SUCLG2: variants seen among roughly 807,000 people sequenced by gnomAD.
SUCLG2 encodes succinate-CoA ligase GDP-forming subunit beta, also known as succinate--CoA ligase [GDP-forming] subunit beta, mitochondrial.
Under a neutral mutation model 47.9 loss-of-function variants are expected in SUCLG2, and 42 were observed. The ratio of observed to expected loss-of-function variants is 0.88; its 90% CI spans 0.69 to 1.14. The LOEUF (loss-of-function observed/expected upper bound fraction) is 1.14. Ranked by LOEUF, SUCLG2 falls within the 50% of genes most tolerant of loss-of-function variation. The probability of loss-of-function intolerance (pLI) is 0.00; values close to 1 mark genes in which losing one functional copy is unlikely to be tolerated. For missense variants in SUCLG2, 571 were observed against 525.9 expected (o/e 1.09, Z -0.84); for synonymous variants, 195 against 197.3 (o/e 0.99, Z 0.10).
At chr3:67,504,324 G>C (rs1021900088) in intron 7 of SUCLG2, among the ~76,000 whole-genome samples, 1 of 152,114 alleles carries the variant, frequency 6.6e-6, no homozygotes, top group Admixed American at 6.6e-5. Flanking sequence ...GACAGAAACA[G>C]AGAAACACCC....
intron 9 of SUCLG2, among the ~76,000 whole-genome samples, chr3:67,402,450 G>T (rs1702706344): frequency 6.6e-6 from 1 of 152,234 alleles, no homozygotes; most frequent in African/African-American, 2.4e-5. Flanking sequence ...ACCAATTAGA[G>T]ATTGGGGCTA....
chr3:67,462,503 G>A (rs55734620), intron 9 of SUCLG2, among the ~76,000 whole-genome samples: 4,895 of 152,274 alleles, frequency 0.032, 128 homozygotes, highest in East Asian at 0.12. Flanking sequence ...AGAGGATGGC[G>A]TTCAGGAGCT....
intron 1 of SUCLG2, among the ~76,000 whole-genome samples, chr3:67,619,945 T>A (rs1173715651): frequency 6.6e-6 from 1 of 152,174 alleles, no homozygotes; most frequent in Non-Finnish European, 1.5e-5. Context: ...AGCTCAATCA[T>A]GTTGTAGAAG....
intron 1 of SUCLG2, among the ~76,000 whole-genome samples, chr3:67,616,161 A>G (rs1258033744): frequency 2.0e-5 from 3 of 152,144 alleles, no homozygotes; most frequent in South Asian, 4.1e-4. Context: ...AGGCTGGATT[A>G]TAAGAGTTAC....
At chr3:67,573,647 C>T (rs540655374) in intron 2 of SUCLG2, among the ~76,000 whole-genome samples, 22 of 152,260 alleles carry the variant, frequency 1.4e-4, no homozygotes, top group Admixed American at 1.2e-3. Context: ...GGTACAGCCT[C>T]GAGAAGTTCA....
chr3:67,555,919 A>G (rs1707148528), intron 2 of SUCLG2, among the ~76,000 whole-genome samples: 1 of 152,234 alleles, frequency 6.6e-6, no homozygotes, highest in African/African-American at 2.4e-5. Context: ...CCTGGCATGT[A>G]CCAATGTGAA....
rs144258574 is a variant in SUCLG2, at chr3:67,654,257, G to A, written c.84+246C>T. On this transcript the variant is annotated intron_variant, in intron 1 of 10. Transcript: ENST00000307227. ...CCATGAGTCTGCGCGGGCAGACAGC[G>A]GAGACTCTAGTGCGTTGGGTCGCTC... 1.6e-4 allele frequency among the ~76,000 whole-genome samples: 24 copies of A among 152,350 alleles called. 1 individual carries two copies. The highest frequency in any genetic ancestry group is 4.8e-4 in the African/African-American group (20 of 41,592).
chr3:67,474,228 C>G (rs966751834), intron 9 of SUCLG2, among the ~76,000 whole-genome samples: 1 of 151,698 alleles, frequency 6.6e-6, no homozygotes, highest in East Asian at 1.9e-4. Context: ...CCACTGCACT[C>G]CAGACTGGGT....
intron 9 of SUCLG2, among the ~76,000 whole-genome samples, chr3:67,494,730 A>C (rs190886770): frequency 2.6e-5 from 4 of 152,368 alleles, no homozygotes; most frequent in Non-Finnish European, 5.9e-5. Flanking sequence ...AACCGTGTAC[A>C]TTAGACTTTC....
chr3:67,484,240 G>A (rs753134730), intron 9 of SUCLG2, among the ~76,000 whole-genome samples: 1 of 152,120 alleles, frequency 6.6e-6, no homozygotes, highest in Non-Finnish European at 1.5e-5. Context: ...TGGTGAACAA[G>A]TCTAGTCCTA....
chr3:67,509,964 G>A (rs1313590616), intron 6 of SUCLG2, among the ~76,000 whole-genome samples: 1 of 152,184 alleles, frequency 6.6e-6, no homozygotes, highest in African/African-American at 2.4e-5. Context: ...AGAGATGGAG[G>A]TGGGAAGAAG....
At chr3:67,583,156 G>A (rs1288909899) in intron 2 of SUCLG2, among the ~76,000 whole-genome samples, 1 of 151,834 alleles carries the variant, frequency 6.6e-6, no homozygotes, top group Non-Finnish European at 1.5e-5. Context: ...CAATCACCAA[G>A]GCTCTGGGAT....
At chr3:67,391,432 A>T (rs928073646) in intron 10 of SUCLG2, among the ~76,000 whole-genome samples, 1 of 152,044 alleles carries the variant, frequency 6.6e-6, no homozygotes, top group African/African-American at 2.4e-5. Flanking sequence ...GGTCTGCTGG[A>T]GGAGAGAAAG....
Position 67,528,330 on chromosome 3 carries a change from C to T in SUCLG2, c.327-108G>A, listed in dbSNP as rs1015102364. 6.1e-5 allele frequency: 60 copies of T among 982,598 alleles called. No individual in the cohort carries two copies. In the Middle Eastern group the frequency reaches 1.1e-3, roughly 17 times the overall value. The allele number at this position is 982,598 out of a possible 1,614,324, so 60.9% of individuals were successfully genotyped here. ...TACACTGCAAAGGGTTCACCTTCACCCTCACAAAATCCATGAGTCTTTCTG... is the reference window on the plus strand; with the variant it reads ...TACACTGCAAAGGGTTCACCTTCACTCTCACAAAATCCATGAGTCTTTCTG... On this transcript the variant is annotated intron_variant, in intron 3 of 10. Coordinates refer to ENST00000307227, the MANE Select transcript of SUCLG2 (RefSeq NM_003848.4).
intron 1 of SUCLG2, among the ~76,000 whole-genome samples, chr3:67,614,102 C>T (rs924259846): frequency 6.6e-6 from 1 of 152,114 alleles, no homozygotes; most frequent in Non-Finnish European, 1.5e-5. Context: ...AACATCTTTG[C>T]TGCAGGAGAC....
At chr3:67,609,888 T>A (rs1575814330) in intron 1 of SUCLG2, among the ~76,000 whole-genome samples, 1 of 152,216 alleles carries the variant, frequency 6.6e-6, no homozygotes, top group South Asian at 2.1e-4. Context: ...TGTCTTGCTT[T>A]TGATATTGTA....
At chr3:67,595,877 C>T (rs1036044882) in intron 2 of SUCLG2, among the ~76,000 whole-genome samples, 1 of 152,172 alleles carries the variant, frequency 6.6e-6, no homozygotes, top group Non-Finnish European at 1.5e-5. Context: ...AAATGAAAGT[C>T]TAAGGTTTTG....
chr3:67,632,649 C>T (rs1443099932), intron 1 of SUCLG2, among the ~76,000 whole-genome samples: 1 of 152,100 alleles, frequency 6.6e-6, no homozygotes, highest in Non-Finnish European at 1.5e-5. Flanking sequence ...ATTAATAATA[C>T]AAGCTGACCA....
intron 9 of SUCLG2, 144 bp downstream of exon 9, chr3:67,495,651 CAAA>C (rs57812170): frequency 2.6e-3 from 1,681 of 649,196 alleles, no homozygotes; most frequent in South Asian, 4.1e-3. Context: ...GACTCCGTCT[CAAA>C]AAAAAAAAAA....
Sources: allele counts gnomAD v4.1 joint callset (sites outside exome capture counted in the v4.1 genomes callset), GRCh38; gene constraint gnomAD v4.1.1; transcripts MANE v1.5; gene names NCBI Gene and HGNC (gene_info 2026-07-23, HGNC 2026-07-21).